The following SSR1 variants were observed in gnomAD, a reference collection of about 807,000 sequenced individuals.
SSR1 encodes signal sequence receptor subunit 1, also known as translocon-associated protein subunit alpha.
Under a neutral mutation model 36.1 loss-of-function variants are expected in SSR1, and 13 were observed. The observed-to-expected ratio is 0.36, with a 90% CI of 0.23 to 0.57. The LOEUF is 0.57. Ranked by LOEUF, SSR1 falls within the 20% of genes least tolerant of loss-of-function variation. The pLI, the probability that SSR1 is intolerant of heterozygous loss-of-function variation, is 0.81. For synonymous variants in SSR1, 113 were observed against 118.9 expected (o/e 0.95, Z 0.32); for missense variants, 291 against 338.5 (o/e 0.86, Z 1.10).
At chr6:7,298,874 T>A in intron 4 of SSR1, 51 bp from the exon 5 acceptor site, 1 of 1,414,902 alleles carries the variant, frequency 7.1e-7, no homozygotes, top group Non-Finnish European at 9.9e-7. Context: ...ATAAAGGAAG[T>A]AAAACATGTA....
At chr6:7,294,548 G>C (rs369345581) in intron 7 of SSR1, among the ~76,000 whole-genome samples, 24 of 152,198 alleles carry the variant, frequency 1.6e-4, no homozygotes, top group Middle Eastern at 3.4e-3. Context: ...AAAATTAGCC[G>C]GGCGTGGTGG....
Position 7,313,052 on chromosome 6 carries a change from G to C in SSR1, c.69C>G (p.Gly23=). 6.2e-7 allele frequency: 1 copy of C among 1,605,768 alleles called. No homozygotes were observed. Among genetic ancestry groups the C allele is most frequent in the Non-Finnish European group, 8.5e-7 (1 of 1,176,154 alleles). ...CTCCCCCAGCCTCACCTCTGGGGCC[G>C]CCTCGGAACAAGACAGTGGCAGGGA... The part of the protein sequence containing the change: ...LVFPATVLFR[G]GPRGLLAVAQ... The change falls in exon 1 of 8, where the codon GGC becomes GGG. Residue 23 remains glycine (G), a synonymous_variant. Transcript: ENST00000244763.
intron 1 of SSR1, among the ~76,000 whole-genome samples, chr6:7,312,357 A>G (rs2764094): frequency 0.59 from 89,878 of 151,936 alleles, 27,119 homozygotes; most frequent in African/African-American, 0.73. Flanking sequence ...GAAAGACAAG[A>G]AGAGGAAGAA....
rs1757541801 is a variant in SSR1, at chr6:7,285,856, T to C, written c.*4008A>G. On this transcript the variant is annotated 3_prime_UTR_variant, in exon 8 of 8. Transcript: ENST00000244763. The surrounding 1 kb of genome is among the most constrained non-coding windows in gnomAD (Gnocchi z 4.1). ...AATGCAATCAACCCATGAAAATGTT[T>C]TTAAAGACCATGATTCTGTTCATCA... 6.6e-6 allele frequency: 1 copy of C among 152,182 alleles called. No individual in the cohort carries two copies. Among genetic ancestry groups the C allele is most frequent in the South Asian group, 2.1e-4 (1 of 4,834 alleles). The allele number at this position is 152,182 out of a possible 1,614,324, so 9.4% of individuals were successfully genotyped here. A position where few individuals can be genotyped will look rare whatever the true frequency, so the allele number is the denominator to read the frequency against.
At chr6:7,302,785 T>A (rs1015807905) in intron 3 of SSR1, among the ~76,000 whole-genome samples, 15 of 151,472 alleles carry the variant, frequency 9.9e-5, no homozygotes, top group African/African-American at 2.7e-4. Flanking sequence ...CAAAAAATCC[T>A]AGGCTCTAAC....
Position 7,282,508 on chromosome 6 carries a change from GAGA to G in SSR1, c.*7353_*7355del, listed in dbSNP as rs1405669336. ...AGCACTGCAAAGTCCTCGCTGTAGAGAGAAGACCATAGATGCACACAGACGGGG... is the reference window on the plus strand; with the variant it reads ...AGCACTGCAAAGTCCTCGCTGTAGAGAGACCATAGATGCACACAGACGGGG... On this transcript the variant is annotated 3_prime_UTR_variant, in exon 8 of 8. Coordinates refer to ENST00000244763, the MANE Select transcript of SSR1 (RefSeq NM_003144.5). 2 of 152,302 alleles carry G rather than the reference GAGA, an allele frequency of 1.3e-5. No individual in the cohort carries two copies. Among genetic ancestry groups the G allele is most frequent in the African/African-American group, 2.4e-5 (1 of 41,456 alleles). 9.4% of individuals were successfully genotyped at this position (152,302 alleles called of 1,614,324 possible). A position where few individuals can be genotyped will look rare whatever the true frequency, so the allele number is the denominator to read the frequency against.
chr6:7,306,949 A>G (rs1758080663), intron 2 of SSR1, among the ~76,000 whole-genome samples: 1 of 88,112 alleles, frequency 1.1e-5, no homozygotes, highest in Admixed American at 1.0e-4. Flanking sequence ...GCCCAAGGTG[A>G]CTTAAAAAAA....
chr6:7,306,826 G>A, intron 2 of SSR1, among the ~76,000 whole-genome samples: 1 of 150,478 alleles, frequency 6.6e-6, no homozygotes, highest in Non-Finnish European at 1.5e-5. Flanking sequence ...TGAGGCAGGA[G>A]ACTGGCGTGA....
At chr6:7,295,291 G>T in intron 7 of SSR1, 101 bp downstream of exon 7, 1 of 1,132,828 alleles carries the variant, frequency 8.8e-7, no homozygotes, top group Non-Finnish European at 1.3e-6. Flanking sequence ...AAAGATGAAT[G>T]TTAAATAGTA....
intron 1 of SSR1, among the ~76,000 whole-genome samples, chr6:7,311,491 A>G (rs1268201854): frequency 1.3e-5 from 2 of 152,224 alleles, no homozygotes; most frequent in African/African-American, 2.4e-5. Flanking sequence ...ATATTAAAGA[A>G]CACTGAACCA....
At position 7,309,905 on chromosome 6, in the gene SSR1, T is replaced by C. The variant is rs774514275; in HGVS notation, c.192+12A>G. ...TACATTTTACATATATTAAATAGTATGTAACACTAACCAAATCTGTGGGTT... is the reference window on the plus strand; with the variant it reads ...TACATTTTACATATATTAAATAGTACGTAACACTAACCAAATCTGTGGGTT... On this transcript the variant is annotated intron_variant, in intron 2 of 7. Transcript: ENST00000244763. 1 of 1,576,922 alleles carries C rather than the reference T, an allele frequency of 6.3e-7. No homozygotes were observed. The highest frequency in any genetic ancestry group is 1.7e-5 in the Admixed American group (1 of 59,992).
chr6:7,294,369 T>C, intron 7 of SSR1, among the ~76,000 whole-genome samples: 1 of 152,154 alleles, frequency 6.6e-6, no homozygotes, highest in East Asian at 1.9e-4. Context: ...TAGAAATTAA[T>C]GGAAAATATA....
intron 7 of SSR1, among the ~76,000 whole-genome samples, chr6:7,291,843 A>G (rs2104395): frequency 0.74 from 112,368 of 151,730 alleles, 42,045 homozygotes; most frequent in African/African-American, 0.82. Flanking sequence ...CGGCTGAGGT[A>G]GACAGATCAC....
At chr6:7,298,663 C>T in intron 5 of SSR1, 84 bp downstream of exon 5, 2 of 1,027,950 alleles carry the variant, frequency 1.9e-6, no homozygotes, top group Non-Finnish European at 3.0e-6. Context: ...TCGTCAACAT[C>T]TAAAACAATG....
At chr6:7,312,973 C>T (rs1758241825) in intron 1 of SSR1, 69 bp downstream of exon 1, 1 of 1,507,024 alleles carries the variant, frequency 6.6e-7, no homozygotes, top group African/African-American at 1.4e-5. Flanking sequence ...CCACCGCCTC[C>T]AACTTCAAAC....
At chr6:7,294,054 TTACTC>T (rs1399369072) in intron 7 of SSR1, among the ~76,000 whole-genome samples, 13 of 152,206 alleles carry the variant, frequency 8.5e-5, no homozygotes, top group Admixed American at 1.3e-4. Context: ...TTAGACCTAG[TTACTC>T]TACCTTTAAG....
chr6:7,306,684 A>T (rs1354483944), intron 2 of SSR1, among the ~76,000 whole-genome samples: 2 of 151,280 alleles, frequency 1.3e-5, no homozygotes, highest in Non-Finnish European at 3.0e-5. Flanking sequence ...CGGGAGGCCG[A>T]GGCGGGCGGA....
At chr6:7,298,238 A>G (rs113181812) in intron 5 of SSR1, among the ~76,000 whole-genome samples, 178 of 152,364 alleles carry the variant, frequency 1.2e-3, no homozygotes, top group African/African-American at 4.1e-3. Flanking sequence ...TTTATGCTCT[A>G]TTCAAAAGCT....
chr6:7,292,082 A>C (rs1045996906), intron 7 of SSR1, among the ~76,000 whole-genome samples: 13 of 152,162 alleles, frequency 8.5e-5, no homozygotes, highest in African/African-American at 2.9e-4. Flanking sequence ...AGAAAAAAAA[A>C]CAGATGTGTA....
Sources: gnomAD v4.1 joint callset for allele counts (sites outside exome capture counted in the v4.1 genomes callset) on GRCh38, gnomAD v4.1.1 for gene constraint, Gnocchi (gnomAD v3.1) non-coding constraint, MANE v1.5 for transcripts, NCBI Gene and HGNC (gene_info 2026-07-23, HGNC 2026-07-21) for gene names.